Variants in RALGAPA1 observed in about 807,000 individuals in gnomAD.
RALGAPA1 encodes Ral GTPase activating protein catalytic subunit alpha 1.
Under a neutral mutation model 269.6 loss-of-function variants are expected in RALGAPA1, and 52 were observed. The ratio of observed to expected loss-of-function variants is 0.19; its 90% CI spans 0.15 to 0.24. RALGAPA1 has a LOEUF of 0.24. Ranked by LOEUF, RALGAPA1 falls within the 10% of genes least tolerant of loss-of-function variation. The probability of loss-of-function intolerance (pLI) is 1.00; values close to 1 mark genes in which losing one functional copy is unlikely to be tolerated. For missense variants in RALGAPA1, 1,917 were observed against 3,013.9 expected (o/e 0.64, Z 8.52); for synonymous variants, 817 against 1,008.3 (o/e 0.81, Z 3.60).
intron 35 of RALGAPA1, among the ~76,000 whole-genome samples, chr14:35,625,126 G>A (rs1219272251): frequency 2.1e-5 from 3 of 139,846 alleles, no homozygotes; most frequent in Non-Finnish European, 4.5e-5. Context: ...ACTCAAGCCT[G>A]GGTGACAGTG....
At chr14:35,781,159 C>A (rs992589727) in intron 1 of RALGAPA1, among the ~76,000 whole-genome samples, 2 of 152,128 alleles carry the variant, frequency 1.3e-5, no homozygotes, top group Admixed American at 1.3e-4. Flanking sequence ...AATCACTAAT[C>A]TGGACTGGAA....
rs1446890444 is a variant in RALGAPA1, at chr14:35,725,032, G to A, written c.1858C>T (p.Leu620Phe). ...TTATTTATTTTTATTGCCTGGAAAA[G>A]TGGTCCTGCAAGTCGACCTGCCAAG... ...MTLAGRLAGP[L>F]FQTLIVAWIK... is the part of the protein sequence containing the mutation. The change falls in exon 14 of 42, where the codon CTT (leucine) becomes TTT (phenylalanine). Residue 620 changes from leucine (L) to phenylalanine (F), a missense_variant. Leu to Phe is a conservative substitution (Grantham distance 22, BLOSUM62 0). Transcript: ENST00000680220. 5 of 1,592,382 alleles carry A rather than the reference G, an allele frequency of 3.1e-6. No homozygotes were observed. The South Asian group carries it at 5.8e-5, about 18-fold the overall frequency.
intron 31 of RALGAPA1, among the ~76,000 whole-genome samples, chr14:35,640,110 T>C (rs561632634): frequency 6.6e-6 from 1 of 152,044 alleles, no homozygotes; most frequent in African/African-American, 2.4e-5. Context: ...AGTTTATAGC[T>C]ATAAGCACCT....
chr14:35,769,065 T>TATATATATATATATAC (rs1237249622), intron 4 of RALGAPA1, among the ~76,000 whole-genome samples: 4 of 77,792 alleles, frequency 5.1e-5, no homozygotes, highest in African/African-American at 1.8e-4. Context: ...TATATATATA[T>TATATATATATATATAC]ACACACACAT....
intron 16 of RALGAPA1, among the ~76,000 whole-genome samples, chr14:35,701,083 G>A (rs2067308831): frequency 6.6e-6 from 1 of 152,070 alleles, no homozygotes; most frequent in Admixed American, 6.5e-5. Context: ...TTTAAAAATT[G>A]CATTTGTAGT....
chr14:35,744,369 C>T (rs551625189), intron 10 of RALGAPA1, among the ~76,000 whole-genome samples: 3 of 11,270 alleles, frequency 2.7e-4, no homozygotes, highest in East Asian at 4.3e-3. Context: ...AAGACTCCAT[C>T]TCAAAAAAAA....
intron 10 of RALGAPA1, among the ~76,000 whole-genome samples, chr14:35,742,931 T>C (rs1386861560): frequency 2.0e-5 from 3 of 152,182 alleles, no homozygotes; most frequent in South Asian, 2.1e-4. Context: ...GTGGCCAGTG[T>C]ATCCCAGCAG....
intron 7 of RALGAPA1, among the ~76,000 whole-genome samples, chr14:35,752,784 T>C (rs1364720626): frequency 1.3e-5 from 2 of 152,072 alleles, no homozygotes; most frequent in Non-Finnish European, 2.9e-5. Flanking sequence ...TTAAGGAGAA[T>C]GTCTGCAGAG....
intron 21 of RALGAPA1, among the ~76,000 whole-genome samples, chr14:35,680,580 T>TTTTATTTA (rs145483057): frequency 1.9e-4 from 29 of 150,494 alleles, no homozygotes; most frequent in Non-Finnish European, 4.1e-4. Context: ...CTGCCTTTAA[T>TTTTATTTA]TTTATTTATT....
At chr14:35,541,989 C>T (rs1174552650) in intron 41 of RALGAPA1, 3 of 1,236,338 alleles carry the variant, frequency 2.4e-6, no homozygotes, top group Admixed American at 4.7e-5. Context: ...TGATGGTTCA[C>T]AATGACAATG....
chr14:35,570,221 G>C (rs2057066524), intron 39 of RALGAPA1, among the ~76,000 whole-genome samples: 1 of 149,852 alleles, frequency 6.7e-6, no homozygotes, highest in African/African-American at 2.5e-5. Flanking sequence ...AGTGAGCTGA[G>C]ATCGTGCCAC....
chr14:35,729,671 G>C (rs965922060), intron 12 of RALGAPA1, among the ~76,000 whole-genome samples: 6 of 152,140 alleles, frequency 3.9e-5, no homozygotes, highest in Non-Finnish European at 7.3e-5. Flanking sequence ...CTTGAGGAAC[G>C]GCAAGGAGTA....
At chr14:35,621,277 T>C (rs1224921504) in intron 35 of RALGAPA1, among the ~76,000 whole-genome samples, 1 of 152,184 alleles carries the variant, frequency 6.6e-6, no homozygotes, top group Non-Finnish European at 1.5e-5. Flanking sequence ...ATTCCCTATT[T>C]AATAAATGGT....
intron 16 of RALGAPA1, among the ~76,000 whole-genome samples, chr14:35,704,199 T>C (rs2067599616): frequency 6.6e-6 from 1 of 152,146 alleles, no homozygotes; most frequent in Non-Finnish European, 1.5e-5. Context: ...AACAGTGATA[T>C]ATATGCTCCA....
At chr14:35,567,018 A>G (rs913809947) in intron 39 of RALGAPA1, among the ~76,000 whole-genome samples, 14 of 151,882 alleles carry the variant, frequency 9.2e-5, no homozygotes, top group African/African-American at 3.1e-4. Context: ...ACACTCAGGT[A>G]GCATAGGAAA....
In RALGAPA1 at chr14:35,539,675, A is replaced by C. The variant is rs1318840383; in HGVS notation, c.*39T>G. Reference sequence around the variant, plus strand: ...TGCTGTGGGAGTTTCACTGGGTAGAATCTCTGGGTAGGAGCCTGTAGGAAA... The same window carrying C: ...TGCTGTGGGAGTTTCACTGGGTAGACTCTCTGGGTAGGAGCCTGTAGGAAA... On this transcript the variant is annotated 3_prime_UTR_variant, in exon 42 of 42. Transcript: ENST00000680220. 6.2e-7 allele frequency: 1 copy of C among 1,614,040 alleles called. No individual in the cohort carries two copies. Among genetic ancestry groups the C allele is most frequent in the Non-Finnish European group, 8.5e-7 (1 of 1,179,960 alleles).
chr14:35,779,272 T>A (rs2075272326), intron 1 of RALGAPA1, among the ~76,000 whole-genome samples: 1 of 152,096 alleles, frequency 6.6e-6, no homozygotes, highest in African/African-American at 2.4e-5. Context: ...ACATCTGTAA[T>A]CCCAGTACTT....
intron 37 of RALGAPA1, among the ~76,000 whole-genome samples, chr14:35,579,353 G>A (rs1332179694): frequency 3.3e-5 from 5 of 152,100 alleles, no homozygotes; most frequent in South Asian, 2.1e-4. Context: ...ATTCCCGGCC[G>A]GGCACAGTGG....
intron 15 of RALGAPA1, 29 bp downstream of exon 15, chr14:35,722,998 T>C: frequency 7.1e-7 from 1 of 1,402,764 alleles, no homozygotes; most frequent in East Asian, 2.3e-5. Flanking sequence ...AACAAATTTA[T>C]ATAGAGCATC....
Sources: gnomAD v4.1 joint callset for allele counts (sites outside exome capture counted in the v4.1 genomes callset) on GRCh38, gnomAD v4.1.1 for gene constraint, MANE v1.5 for transcripts, NCBI Gene and HGNC (gene_info 2026-07-23, HGNC 2026-07-21) for gene names.